GABRR3: variants seen among roughly 807,000 people sequenced by gnomAD.
GABRR3 encodes gamma-aminobutyric acid type A receptor subunit rho3.
GABRR3 carries 29 observed loss-of-function variants against 43.2 expected under a neutral mutation model. That is an observed-to-expected ratio of 0.67 (90% CI 0.50 to 0.92). The LOEUF (loss-of-function observed/expected upper bound fraction) is 0.92. GABRR3 is among the 40% of genes least tolerant of loss of function. GABRR3 has a pLI of 0.00. For missense variants in GABRR3, 576 were observed against 572.3 expected (o/e 1.01, Z -0.07); for synonymous variants, 206 against 195.9 (o/e 1.05, Z -0.43).
At chr3:98,005,003 G>C (rs767926153) in intron 7 of GABRR3, among the ~76,000 whole-genome samples, 1 of 151,854 alleles carries the variant, frequency 6.6e-6, no homozygotes, top group African/African-American at 2.4e-5. Context: ...TAATCTTTCC[G>C]AAACCTAACT....
intron 3 of GABRR3, among the ~76,000 whole-genome samples, chr3:98,019,379 T>G (rs1412439968): frequency 2.0e-5 from 3 of 152,112 alleles, no homozygotes; most frequent in Non-Finnish European, 4.4e-5. Context: ...GATGTCACCT[T>G]CACTTTATTA....
At chr3:97,986,133 TGG>T (rs1397633147), downstream of GABRR3, among the ~76,000 whole-genome samples, 2 of 152,168 alleles carry the variant, frequency 1.3e-5, no homozygotes, top group Non-Finnish European at 2.9e-5. Context: ...CCCAAAGTGC[TGG>T]GATAACAAGC....
At chr3:98,014,806 T>A (rs1055129856) in intron 4 of GABRR3, among the ~76,000 whole-genome samples, 5 of 152,222 alleles carry the variant, frequency 3.3e-5, no homozygotes, top group African/African-American at 1.2e-4. Context: ...TTGATTTTAG[T>A]GATTGATATT....
chr3:98,028,186 G>A (rs1050406447), intron 2 of GABRR3, among the ~76,000 whole-genome samples: 5 of 151,476 alleles, frequency 3.3e-5, no homozygotes, highest in East Asian at 1.9e-4. Context: ...TCTATGTATC[G>A]GCAAATGGGT....
intron 1 of GABRR3, 80 bp from the exon 2 acceptor site, chr3:98,035,069 T>TA: frequency 6.7e-7 from 1 of 1,496,924 alleles, no homozygotes; most frequent in Non-Finnish European, 9.0e-7. Context: ...ATGTGTCTTT[T>TA]AAAAAACAAA....
chr3:98,001,870 C>G, intron 7 of GABRR3, 103 bp from the exon 8 acceptor site: 1 of 1,244,266 alleles, frequency 8.0e-7, no homozygotes, highest in South Asian at 1.4e-5. Context: ...CTTGGGGACA[C>G]GGAATTTGAC....
intron 8 of GABRR3, chr3:97,997,646 A>G (rs1706578668): frequency 1.3e-5 from 2 of 152,194 alleles, no homozygotes; most frequent in South Asian, 4.1e-4. Context: ...AAAGGGAAAC[A>G]TATAAATGCA....
At chr3:97,993,030 G>A (rs545307616) in exon 9 of GABRR3, 2 of 1,608,774 alleles carry the variant, frequency 1.2e-6, no homozygotes, top group Non-Finnish European at 1.7e-6. Context: ...TGTGGACATG[G>A]TCAGCACTGT....
At chr3:98,015,873 C>A (rs1422213452) in intron 4 of GABRR3, among the ~76,000 whole-genome samples, 1 of 152,102 alleles carries the variant, frequency 6.6e-6, no homozygotes, top group Non-Finnish European at 1.5e-5. Context: ...GTGTATTAGT[C>A]CATTTTCACA....
In GABRR3 at chr3:98,017,640, C is replaced by G. The variant is rs372528547; in HGVS notation, c.306+15G>C. The G allele has an allele frequency of 1.3e-6, 2 of 1,594,594 alleles. No homozygotes were observed. Among genetic ancestry groups the G allele is most frequent in the Non-Finnish European group, 1.7e-6 (2 of 1,166,352 alleles). ...TCTTTTCAGAAAAAGAGCAATATCC[C>G]ATGAAGAAACTTACCATGTTAGTCT... On this transcript the variant is annotated intron_variant, in intron 4 of 9. Coordinates refer to ENST00000621172, the Ensembl canonical transcript of GABRR3.
At chr3:98,006,371 A>G (rs1706724689) in intron 7 of GABRR3, among the ~76,000 whole-genome samples, 1 of 152,242 alleles carries the variant, frequency 6.6e-6, no homozygotes, top group Non-Finnish European at 1.5e-5. Flanking sequence ...TGAGAGCATC[A>G]TTTGCTGAAT....
chr3:98,031,932 A>G (rs994420169), intron 2 of GABRR3, among the ~76,000 whole-genome samples: 8 of 152,006 alleles, frequency 5.3e-5, no homozygotes, highest in African/African-American at 1.9e-4. Flanking sequence ...GTTCAGGGTA[A>G]TGTTTAACAA....
intron 3 of GABRR3, among the ~76,000 whole-genome samples, chr3:98,022,742 AT>A (rs1198276531): frequency 6.6e-6 from 1 of 152,178 alleles, no homozygotes; most frequent in African/African-American, 2.4e-5. Flanking sequence ...CCAGTATATG[AT>A]TGTCAGAAAA....
At chr3:98,013,803 C>G (rs1706841446) in intron 4 of GABRR3, among the ~76,000 whole-genome samples, 1 of 152,186 alleles carries the variant, frequency 6.6e-6, no homozygotes, top group Admixed American at 6.5e-5. Flanking sequence ...GTGTGGGTTA[C>G]TGCACAGAGA....
rs184684263 is a variant in GABRR3, at chr3:98,030,665, G to T, written c.125+4198C>A. Among the ~76,000 whole-genome samples the T allele has an allele frequency of 3.9e-3, 586 of 152,164 alleles. 1 individual carries two copies. The highest frequency in any genetic ancestry group is 6.7e-3 in the Non-Finnish European group (453 of 68,006). On this transcript the variant is annotated intron_variant, in intron 2 of 9. Transcript: ENST00000621172. ...GCCATTTATAATCCTTTCCAAATAA[G>T]AATCTGGTCAAAACTCTCCACCTTA... is the stretch of plus-strand genomic sequence containing the variant.
At chr3:98,030,801 C>G (rs551856498) in intron 2 of GABRR3, among the ~76,000 whole-genome samples, 1 of 152,054 alleles carries the variant, frequency 6.6e-6, no homozygotes, top group Admixed American at 6.6e-5. Flanking sequence ...GCTAACTGTT[C>G]CAAATAATGT....
In GABRR3 at chr3:98,021,649, T is replaced by A. The variant is rs913229659; in HGVS notation, c.238+3918A>T. Among the ~76,000 whole-genome samples the A allele has an allele frequency of 4.5e-4, 68 of 152,214 alleles. 1 individual carries two copies. Among genetic ancestry groups the A allele is most frequent in the Non-Finnish European group, 8.4e-4 (57 of 68,042 alleles). Reference sequence around the variant, plus strand: ...AAATAATAATTTTTAGATAATTTTATTAATTCAGTACCTAAAGCATTTAAA... The same window carrying A: ...AAATAATAATTTTTAGATAATTTTAATAATTCAGTACCTAAAGCATTTAAA... On this transcript the variant is annotated intron_variant, in intron 3 of 9. Coordinates refer to ENST00000621172, the Ensembl canonical transcript of GABRR3.
At chr3:97,992,388 A>C (rs1706480030) in intron 9 of GABRR3, among the ~76,000 whole-genome samples, 1 of 152,110 alleles carries the variant, frequency 6.6e-6, no homozygotes, top group South Asian at 2.1e-4. Flanking sequence ...CCAAATTACC[A>C]CCCAGCTGCA....
chr3:98,013,418 T>G (rs1040110517), intron 4 of GABRR3, among the ~76,000 whole-genome samples: 4 of 152,204 alleles, frequency 2.6e-5, no homozygotes, highest in African/African-American at 9.6e-5. Context: ...GAATAGAAAC[T>G]CCCCCAGCTT....
Sources: allele counts gnomAD v4.1 joint callset (sites outside exome capture counted in the v4.1 genomes callset), GRCh38; gene constraint gnomAD v4.1.1; transcripts MANE v1.5; gene names NCBI Gene and HGNC (gene_info 2026-07-23, HGNC 2026-07-21).